The following EPB41 variants were observed in gnomAD, a reference collection of about 807,000 sequenced individuals.
EPB41 encodes the protein protein 4.1.
In EPB41, 65 loss-of-function variants were observed where a neutral mutation model predicts 108.0. The ratio of observed to expected loss-of-function variants is 0.60; its 90% CI spans 0.49 to 0.74. EPB41 has a LOEUF of 0.74. Ranked by LOEUF, EPB41 falls within the 30% of genes least tolerant of loss-of-function variation. The pLI, the probability that EPB41 is intolerant of heterozygous loss-of-function variation, is 0.00. For synonymous variants in EPB41, 336 were observed against 358.9 expected, an observed-to-expected ratio of 0.94 and a Z score of 0.72; for missense variants, 875 against 1,037.0, an observed-to-expected ratio of 0.84 and a Z score of 2.15.
chr1:28,906,804 C>T (rs1254150212), intron 1 of EPB41, among the ~76,000 whole-genome samples: 1 of 147,322 alleles, frequency 6.8e-6, no homozygotes, highest in Non-Finnish European at 1.5e-5. Context: ...GAGACGGAGT[C>T]TCGCTCTGTT....
intron 3 of EPB41, among the ~76,000 whole-genome samples, chr1:28,994,208 G>C (rs1343136345): frequency 6.6e-6 from 1 of 151,720 alleles, no homozygotes; most frequent in Non-Finnish European, 1.5e-5. Context: ...GTCTCTCTCT[G>C]TCGTCCAGGC....
intron 9 of EPB41, 41 bp from the exon 10 acceptor site, chr1:29,035,785 A>G (rs769997562): frequency 2.2e-5 from 32 of 1,430,012 alleles, no homozygotes; most frequent in Non-Finnish European, 3.0e-5. Context: ...ACTGTATCAC[A>G]TGTAATACTT....
At chr1:28,974,751 G>C (rs1305604909) in intron 1 of EPB41, among the ~76,000 whole-genome samples, 1 of 151,886 alleles carries the variant, frequency 6.6e-6, no homozygotes, top group African/African-American at 2.4e-5. Flanking sequence ...TGAGATACTT[G>C]CAAGATATTA....
At chr1:29,058,442 T>A (rs1645929355) in intron 12 of EPB41, 147 bp from the exon 13 acceptor site, 2 of 749,498 alleles carry the variant, frequency 2.7e-6, no homozygotes, top group Admixed American at 4.3e-5. Flanking sequence ...TCCTTCCCTG[T>A]AACACCCTCC....
At chr1:29,097,468 CAA>C (rs1185761868) in intron 16 of EPB41, 1 of 358,336 alleles carries the variant, frequency 2.8e-6, no homozygotes, top group East Asian at 6.9e-5. Context: ...AAGGACAAAT[CAA>C]AGTGATTGCT....
rs187126430 is a variant in EPB41, at chr1:29,061,949, A to T, written c.2007+1465A>T. Among the ~76,000 whole-genome samples the T allele has an allele frequency of 1.1e-4, 16 of 152,294 alleles. 1 individual carries two copies. The East Asian group carries it at 3.1e-3, about 29-fold the overall frequency. ...CTAATAATTATTTAAACCTCATCTT[A>T]TTCCTTGTCAATACCTGTATTTTGA... On this transcript the variant is annotated intron_variant, in intron 15 of 20. Coordinates refer to ENST00000343067, the MANE Select transcript of EPB41 (RefSeq NM_001376013.1).
intron 1 of EPB41, among the ~76,000 whole-genome samples, chr1:28,939,506 C>G (rs772778587): frequency 6.6e-6 from 1 of 151,840 alleles, no homozygotes. Context: ...TGCAGTGGTG[C>G]GATCTTGGCT....
chr1:28,991,977 A>G (rs2096032937), intron 2 of EPB41, among the ~76,000 whole-genome samples: 1 of 152,148 alleles, frequency 6.6e-6, no homozygotes, highest in South Asian at 2.1e-4. Context: ...AATGTTTGGT[A>G]TTATTATTAT....
Position 28,987,384 on chromosome 1 carries a change from T to G in EPB41, c.-7-47T>G. On this transcript the variant is annotated intron_variant, in intron 1 of 20. Coordinates refer to ENST00000343067, the MANE Select transcript of EPB41 (RefSeq NM_001376013.1). ...GGGTTTAGGGTTTTGCCAACAGTAA[T>G]GTGTTTTGCTTATAAGAGCCCCCCT... The G allele has an allele frequency of 3.3e-6, 5 of 1,536,930 alleles. No individual in the cohort carries two copies. The Admixed American group carries it at 5.0e-5, about 15-fold the overall frequency.
At chr1:29,109,299 T>G (rs1280260087) in intron 17 of EPB41, 37 bp from the exon 18 acceptor site, 1 of 1,524,764 alleles carries the variant, frequency 6.6e-7, no homozygotes, top group South Asian at 1.1e-5. Context: ...CCAGTCTTCC[T>G]GAGAGGCATG....
intron 1 of EPB41, among the ~76,000 whole-genome samples, chr1:28,930,930 A>G (rs2093709962): frequency 6.6e-6 from 1 of 152,222 alleles, no homozygotes; most frequent in Admixed American, 6.5e-5. Context: ...ATTTTTAAAC[A>G]TATCTTAAAT....
At position 28,970,462 on chromosome 1, in the gene EPB41, C is replaced by T. The variant is rs181411797; in HGVS notation, c.-7-16969C>T. 4.3e-3 allele frequency among the ~76,000 whole-genome samples: 660 copies of T among 152,148 alleles called. 7 individuals are homozygous for T. The highest frequency in any genetic ancestry group is 0.013 in the South Asian group (63 of 4,822). On this transcript the variant is annotated intron_variant, in intron 1 of 20. Coordinates refer to ENST00000343067, the MANE Select transcript of EPB41 (RefSeq NM_001376013.1). ...AAAGTTCCATACTCTTAACTAAAAC[C>T]CCTTTGTAGCTAGAAATCTTCAGGC...
intron 16 of EPB41, among the ~76,000 whole-genome samples, chr1:29,085,141 CTTTTTTTTT>C (rs527593950): frequency 1.4e-4 from 17 of 117,324 alleles, no homozygotes; most frequent in Non-Finnish European, 2.6e-4. Context: ...CTTTGATCTT[CTTTTTTTTT>C]TTTTTTTTTT....
At chr1:29,006,234 A>T (rs911070043) in intron 4 of EPB41, among the ~76,000 whole-genome samples, 235 of 130,642 alleles carry the variant, frequency 1.8e-3, no homozygotes, top group Non-Finnish European at 2.5e-3. Context: ...ATCCCAAAGA[A>T]TTTTTTTTTT....
chr1:28,986,916 T>G (rs2095880003), intron 1 of EPB41, among the ~76,000 whole-genome samples: 1 of 152,194 alleles, frequency 6.6e-6, no homozygotes, highest in Non-Finnish European at 1.5e-5. Context: ...AATTTTACTT[T>G]TGCAATTTTA....
chr1:28,927,426 T>G (rs980085741), intron 1 of EPB41, among the ~76,000 whole-genome samples: 2 of 152,196 alleles, frequency 1.3e-5, no homozygotes, highest in African/African-American at 4.8e-5. Context: ...GTTGGGTATC[T>G]GTTCTAATAT....
intron 1 of EPB41, among the ~76,000 whole-genome samples, chr1:28,943,662 A>G (rs911371054): frequency 6.6e-6 from 1 of 152,012 alleles, no homozygotes; most frequent in Non-Finnish European, 1.5e-5. Flanking sequence ...AAAAAAAAAA[A>G]CAAAACAAAC....
intron 17 of EPB41, among the ~76,000 whole-genome samples, chr1:29,100,285 A>G (rs1329558085): frequency 6.8e-6 from 1 of 146,482 alleles, no homozygotes; most frequent in African/African-American, 2.5e-5. Context: ...CCTGACCAAC[A>G]TAGAGAAACC....
chr1:29,110,941 C>T (rs1482382910), intron 18 of EPB41, among the ~76,000 whole-genome samples: 3 of 152,040 alleles, frequency 2.0e-5, no homozygotes, highest in African/African-American at 7.2e-5. Flanking sequence ...CCAAGGCGGG[C>T]GGATCACCTG....
Sources: gnomAD v4.1 joint callset for allele counts (sites outside exome capture counted in the v4.1 genomes callset) on GRCh38, gnomAD v4.1.1 for gene constraint, MANE v1.5 for transcripts, NCBI Gene and HGNC (gene_info 2026-07-23, HGNC 2026-07-21) for gene names.